The following ADGRL2 variants were observed in gnomAD, a reference collection of about 807,000 sequenced individuals.
The protein encoded by ADGRL2 is adhesion G protein-coupled receptor L2.
A neutral mutation model predicts 157.4 loss-of-function variants in ADGRL2; 44 were observed. The observed-to-expected ratio is 0.28, with a 90% CI of 0.22 to 0.36. The LOEUF (loss-of-function observed/expected upper bound fraction) is 0.36. Ranked by LOEUF, ADGRL2 falls within the 10% of genes least tolerant of loss-of-function variation. The pLI, the probability that ADGRL2 is intolerant of heterozygous loss-of-function variation, is 1.00. For synonymous variants in ADGRL2, 585 were observed against 624.7 expected, an observed-to-expected ratio of 0.94 and a Z score of 0.95; for missense variants, 1,510 against 1,768.9, an observed-to-expected ratio of 0.85 and a Z score of 2.63.
intron 1 of ADGRL2, among the ~76,000 whole-genome samples, chr1:81,821,097 A>G (rs2090947387): frequency 6.6e-6 from 1 of 152,190 alleles, no homozygotes; most frequent in African/African-American, 2.4e-5. Context: ...AGGGAAGTTA[A>G]TTAAATATGG....
At chr1:81,445,857 A>T (rs2077588002) in intron 2 of ADGRL2, among the ~76,000 whole-genome samples, 1 of 152,228 alleles carries the variant, frequency 6.6e-6, no homozygotes, top group Non-Finnish European at 1.5e-5. Flanking sequence ...CATAGCATAA[A>T]CAAATTAGTA....
At chr1:81,708,493 A>G (rs1476888707) in intron 1 of ADGRL2, among the ~76,000 whole-genome samples, 2 of 152,158 alleles carry the variant, frequency 1.3e-5, no homozygotes, top group African/African-American at 4.8e-5. Context: ...TCCTACACGC[A>G]TCTGCAGAAG....
chr1:81,921,665 A>G (rs2148611302), intron 3 of ADGRL2, among the ~76,000 whole-genome samples: 1 of 152,338 alleles, frequency 6.6e-6, no homozygotes, highest in South Asian at 2.1e-4. Context: ...CAGACAAGTT[A>G]CTGATATGAA....
At chr1:81,871,045 C>A (rs1368661354) in intron 2 of ADGRL2, among the ~76,000 whole-genome samples, 1 of 150,800 alleles carries the variant, frequency 6.6e-6, no homozygotes, top group Non-Finnish European at 1.5e-5. Flanking sequence ...ATTACCTCGT[C>A]ATTTACATTA....
At chr1:81,419,238 C>A (rs2077084756) in intron 1 of ADGRL2, among the ~76,000 whole-genome samples, 1 of 152,214 alleles carries the variant, frequency 6.6e-6, no homozygotes, top group Non-Finnish European at 1.5e-5. Flanking sequence ...GAGTCTTGCT[C>A]TGTCACCCAG....
At chr1:81,312,282 C>T (rs919673787) in intron 1 of ADGRL2, among the ~76,000 whole-genome samples, 1 of 152,198 alleles carries the variant, frequency 6.6e-6, no homozygotes, top group African/African-American at 2.4e-5. Context: ...CCCGGGCGGA[C>T]GCCATCACCC....
chr1:81,558,577 AC>A (rs2080367621), intron 2 of ADGRL2, among the ~76,000 whole-genome samples: 1 of 152,106 alleles, frequency 6.6e-6, no homozygotes, highest in Admixed American at 6.5e-5. Flanking sequence ...TCTTCATGCA[AC>A]CTTTCAGCTC....
intron 2 of ADGRL2, among the ~76,000 whole-genome samples, chr1:81,476,252 G>T (rs2078270880): frequency 6.6e-6 from 1 of 152,142 alleles, no homozygotes; most frequent in African/African-American, 2.4e-5. Flanking sequence ...CTTTTGATTA[G>T]ATCACATCCT....
chr1:81,924,740 G>T (rs956924453), intron 3 of ADGRL2, among the ~76,000 whole-genome samples: 23 of 152,012 alleles, frequency 1.5e-4, no homozygotes, highest in Non-Finnish European at 2.8e-4. Context: ...CAGGGGTTTG[G>T]AGCCGAATTT....
intron 3 of ADGRL2, among the ~76,000 whole-genome samples, chr1:81,690,319 C>A (rs2083307094): frequency 6.6e-6 from 1 of 152,082 alleles, no homozygotes; most frequent in Non-Finnish European, 1.5e-5. Context: ...ATGGCGAAAC[C>A]CCATCTCTAC....
intron 1 of ADGRL2, among the ~76,000 whole-genome samples, chr1:81,384,006 G>A (rs1570791055): frequency 6.6e-6 from 1 of 151,312 alleles, no homozygotes; most frequent in South Asian, 2.1e-4. Flanking sequence ...AAGAAATTTG[G>A]TACATATTTG....
chr1:81,356,973 A>AT (rs59956374), intron 1 of ADGRL2, among the ~76,000 whole-genome samples: 3 of 146,254 alleles, frequency 2.1e-5, no homozygotes, highest in Admixed American at 6.8e-5. Flanking sequence ...AAAAAAAAAA[A>AT]GAAGTTGTTT....
intron 3 of ADGRL2, among the ~76,000 whole-genome samples, chr1:81,607,400 C>T (rs2081456036): frequency 6.6e-6 from 1 of 152,124 alleles, no homozygotes; most frequent in African/African-American, 2.4e-5. Flanking sequence ...AAATACACAG[C>T]CAAGTGTGAT....
intron 3 of ADGRL2, among the ~76,000 whole-genome samples, chr1:81,645,396 CAA>C (rs374061248): frequency 0.16 from 15,532 of 94,390 alleles, 633 homozygotes; most frequent in Middle Eastern, 0.19. Flanking sequence ...GATCCTGTCT[CAA>C]AAAAAAAAAA....
chr1:81,442,378 A>T lies in ADGRL2; in HGVS notation c.-301-2658A>T, dbSNP rs78430455. On this transcript the variant is annotated intron_variant, in intron 1 of 24. Coordinates refer to the ADGRL2 transcript ENST00000370721. ...AAATGAAAATATCCCTCTTTCACCA[A>T]ATTACACAATAAAATGTTCACCATT... Among the ~76,000 whole-genome samples, 263 of 152,312 alleles carry T rather than the reference A, an allele frequency of 1.7e-3. 1 individual carries two copies. The highest frequency in any genetic ancestry group is 6.1e-3 in the African/African-American group (252 of 41,564).
At chr1:81,466,564 G>T (rs2101838590) in intron 2 of ADGRL2, among the ~76,000 whole-genome samples, 1 of 152,166 alleles carries the variant, frequency 6.6e-6, no homozygotes, top group Non-Finnish European at 1.5e-5. Flanking sequence ...ATTAAACCTG[G>T]AGTTTGTCTA....
intron 1 of ADGRL2, among the ~76,000 whole-genome samples, chr1:81,348,791 G>A (rs1016074735): frequency 1.3e-5 from 2 of 152,048 alleles, no homozygotes; most frequent in African/African-American, 4.8e-5. Context: ...TGTAATACTG[G>A]GACACAGTAA....
At chr1:81,414,932 G>T (rs2077008250) in intron 1 of ADGRL2, among the ~76,000 whole-genome samples, 1 of 152,128 alleles carries the variant, frequency 6.6e-6, no homozygotes, top group South Asian at 2.1e-4. Flanking sequence ...GAAGAAGTTT[G>T]ATCATCTTCC....
At chr1:81,586,996 G>T (rs183542916) in intron 3 of ADGRL2, among the ~76,000 whole-genome samples, 18 of 152,154 alleles carry the variant, frequency 1.2e-4, no homozygotes, top group African/African-American at 1.7e-4. Context: ...ACAGACAGCT[G>T]TCCAGAGACT....
Sources: allele counts gnomAD v4.1 joint callset (sites outside exome capture counted in the v4.1 genomes callset), GRCh38; gene constraint gnomAD v4.1.1; transcripts MANE v1.5; gene names NCBI Gene and HGNC (gene_info 2026-07-23, HGNC 2026-07-21).